Variants in PCBP3 observed in about 807,000 individuals in gnomAD.
The protein encoded by PCBP3 is poly(rC)-binding protein 3.
Under a neutral mutation model 52.7 loss-of-function variants are expected in PCBP3, and 25 were observed. The ratio of observed to expected loss-of-function variants is 0.47; its 90% CI spans 0.35 to 0.66. PCBP3 has a LOEUF of 0.66. Ranked by LOEUF, PCBP3 falls within the 30% of genes least tolerant of loss-of-function variation. PCBP3 has a pLI of 0.01. For synonymous variants in PCBP3, 162 were observed against 183.0 expected, an observed-to-expected ratio of 0.89 and a Z score of 0.93; for missense variants, 391 against 490.3, an observed-to-expected ratio of 0.80 and a Z score of 1.91.
At chr21:45,842,426 C>T (rs953224803) in intron 4 of PCBP3, among the ~76,000 whole-genome samples, 6 of 152,010 alleles carry the variant, frequency 3.9e-5, no homozygotes, top group Non-Finnish European at 5.9e-5. Context: ...TCCATATCGC[C>T]TACTTATTTG....
chr21:45,768,935 C>A (rs2089615680), intron 4 of PCBP3, among the ~76,000 whole-genome samples: 1 of 152,248 alleles, frequency 6.6e-6, no homozygotes, highest in Non-Finnish European at 1.5e-5. Flanking sequence ...AAGGCGCAAT[C>A]AGGGCATGAT....
intron 2 of PCBP3, among the ~76,000 whole-genome samples, chr21:45,684,213 G>A (rs2082022860): frequency 1.3e-5 from 2 of 152,158 alleles, no homozygotes; most frequent in Admixed American, 1.3e-4. Flanking sequence ...GGGTGACAGT[G>A]AGACCCTGTC....
chr21:45,879,070 C>T (rs914163287), intron 5 of PCBP3, among the ~76,000 whole-genome samples: 62 of 152,300 alleles, frequency 4.1e-4, no homozygotes, highest in African/African-American at 1.4e-3. Context: ...ACTGCAGCCT[C>T]CATCTCCCAG....
At chr21:45,858,228 G>C (rs775421581) in intron 5 of PCBP3, 4 of 152,334 alleles carry the variant, frequency 2.6e-5, no homozygotes, top group Non-Finnish European at 5.9e-5. Flanking sequence ...GGATTTTTCC[G>C]AAGAGACTTT....
intron 4 of PCBP3, among the ~76,000 whole-genome samples, chr21:45,793,582 T>C (rs1399750342): frequency 6.6e-6 from 1 of 151,942 alleles, no homozygotes; most frequent in African/African-American, 2.4e-5. Flanking sequence ...GACTGACCAG[T>C]ATTGAGTGGG....
intron 4 of PCBP3, among the ~76,000 whole-genome samples, chr21:45,815,920 G>A (rs1430405956): frequency 8.3e-6 from 1 of 120,036 alleles, no homozygotes. Context: ...GGTGAGTGAT[G>A]AGTGAGTGGT....
At chr21:45,676,743 G>A (rs935727032) in intron 2 of PCBP3, among the ~76,000 whole-genome samples, 1 of 151,968 alleles carries the variant, frequency 6.6e-6, no homozygotes, top group African/African-American at 2.4e-5. Context: ...CAGGTGAAAG[G>A]AAGGGTTGCA....
At chr21:45,824,807 G>A (rs1256524853) in intron 4 of PCBP3, among the ~76,000 whole-genome samples, 2 of 152,254 alleles carry the variant, frequency 1.3e-5, no homozygotes, top group African/African-American at 2.4e-5. Flanking sequence ...ATGTCTACAA[G>A]GACATAGATG....
intron 4 of PCBP3, among the ~76,000 whole-genome samples, chr21:45,796,418 C>G (rs1225688768): frequency 6.6e-6 from 1 of 152,186 alleles, no homozygotes; most frequent in South Asian, 2.1e-4. Flanking sequence ...TCAGTTTCCT[C>G]TTTGGGATGC....
At chr21:45,786,610 G>A (rs901338086) in intron 4 of PCBP3, among the ~76,000 whole-genome samples, 3 of 152,132 alleles carry the variant, frequency 2.0e-5, no homozygotes, top group African/African-American at 7.2e-5. Flanking sequence ...ATTTTGAAGA[G>A]TTATGAAAAC....
At chr21:45,900,176 C>T (rs1211559541) in intron 7 of PCBP3, among the ~76,000 whole-genome samples, 1 of 152,190 alleles carries the variant, frequency 6.6e-6, no homozygotes, top group Non-Finnish European at 1.5e-5. Context: ...GCTCATTGTC[C>T]CGGCTTCCTC....
At chr21:45,797,645 A>ATAGAC (rs1603430796) in intron 4 of PCBP3, among the ~76,000 whole-genome samples, 4 of 152,266 alleles carry the variant, frequency 2.6e-5, no homozygotes, top group Admixed American at 6.5e-5. Context: ...GAATGCATGG[A>ATAGAC]TGGATAAGTG....
intron 9 of PCBP3, among the ~76,000 whole-genome samples, chr21:45,903,427 T>C (rs1404613127): frequency 6.6e-6 from 1 of 152,078 alleles, no homozygotes; most frequent in Non-Finnish European, 1.5e-5. Flanking sequence ...TCCACGTAGA[T>C]GCAAGCAGAA....
intron 4 of PCBP3, among the ~76,000 whole-genome samples, chr21:45,790,787 G>C (rs1207254633): frequency 1.3e-5 from 2 of 152,168 alleles, no homozygotes; most frequent in Non-Finnish European, 2.9e-5. Flanking sequence ...GTCCTTGGGG[G>C]TCTTGAGCAG....
At chr21:45,905,787 A>G (rs2096188452) in intron 9 of PCBP3, among the ~76,000 whole-genome samples, 1 of 152,066 alleles carries the variant, frequency 6.6e-6, no homozygotes, top group South Asian at 2.1e-4. Flanking sequence ...TACCTTAGTT[A>G]CCTCTGTAAA....
At chr21:45,646,105 CTCTGTGTG>C (rs1461724662) in intron 1 of PCBP3, among the ~76,000 whole-genome samples, 47 of 92,966 alleles carry the variant, frequency 5.1e-4, no homozygotes, top group East Asian at 1.5e-3. Flanking sequence ...CTCTCTCTCT[CTCTGTGTG>C]TGTGTGTGTG....
chr21:45,739,106 G>A (rs1341907305), intron 3 of PCBP3, among the ~76,000 whole-genome samples: 3 of 102,438 alleles, frequency 2.9e-5, no homozygotes, highest in Admixed American at 1.3e-4. Context: ...TCCTGTCCGC[G>A]GTCCTCTGGG....
Position 45,827,132 on chromosome 21 carries a change from A to G in PCBP3, c.-125-22829A>G, listed in dbSNP as rs1252887900. ...TCCCTGGGGACCACACGGGGACTGGAGCTCCCTACCTGCTCAGGATCTCCT... is the reference window on the plus strand; with the variant it reads ...TCCCTGGGGACCACACGGGGACTGGGGCTCCCTACCTGCTCAGGATCTCCT... On this transcript the variant is annotated intron_variant, in intron 4 of 17. Coordinates refer to ENST00000681687, the MANE Select transcript of PCBP3 (RefSeq NM_001384156.1). The surrounding 1 kb of genome is among the most constrained non-coding windows in gnomAD (Gnocchi z 4.3). Among the ~76,000 whole-genome samples the G allele has an allele frequency of 6.6e-6, 1 of 152,050 alleles. No homozygotes were observed. Among genetic ancestry groups the G allele is most frequent in the Non-Finnish European group, 1.5e-5 (1 of 68,000 alleles).
rs74604885 is a variant in PCBP3 at position 45,850,458 on chromosome 21, G to C, written c.10+363G>C. Among the ~76,000 whole-genome samples, 453 of 152,266 alleles carry C rather than the reference G, an allele frequency of 3.0e-3. 3 individuals carry two copies. Among genetic ancestry groups the C allele is most frequent in the African/African-American group, 0.01 (435 of 41,548 alleles). Reference sequence around the variant, plus strand: ...TGGGGGCTGAAGATCGTCCTGAGGTGTTTGGAAAGAGTAGGTAATGAGAGC... The same window carrying C: ...TGGGGGCTGAAGATCGTCCTGAGGTCTTTGGAAAGAGTAGGTAATGAGAGC... On this transcript the variant is annotated intron_variant, in intron 5 of 17. Transcript: ENST00000681687.
Sources: gnomAD v4.1 joint callset for allele counts (sites outside exome capture counted in the v4.1 genomes callset) on GRCh38, gnomAD v4.1.1 for gene constraint, Gnocchi (gnomAD v3.1) non-coding constraint, MANE v1.5 for transcripts, NCBI Gene and HGNC (gene_info 2026-07-23, HGNC 2026-07-21) for gene names.